The following FUT8 variants were observed in gnomAD, a reference collection of about 807,000 sequenced individuals.
The protein encoded by FUT8 is alpha-(1,6)-fucosyltransferase.
In FUT8, 29 loss-of-function variants were observed where a neutral mutation model predicts 71.3. The ratio of observed to expected loss-of-function variants is 0.41; its 90% CI spans 0.30 to 0.55. FUT8 has a LOEUF of 0.55. Ranked by LOEUF, FUT8 falls within the 20% of genes least tolerant of loss-of-function variation. The pLI, the probability that FUT8 is intolerant of heterozygous loss-of-function variation, is 0.34. For missense variants in FUT8, 544 were observed against 702.1 expected (o/e 0.77, Z 2.55); for synonymous variants, 254 against 239.3 (o/e 1.06, Z -0.57).
chr14:65,604,172 C>T (rs1888449777), intron 3 of FUT8, among the ~76,000 whole-genome samples: 1 of 151,834 alleles, frequency 6.6e-6, no homozygotes, highest in South Asian at 2.1e-4. Context: ...AATAACTCCA[C>T]TGACAGCACT....
At chr14:65,542,028 C>G (rs1884705365) in intron 2 of FUT8, among the ~76,000 whole-genome samples, 1 of 152,248 alleles carries the variant, frequency 6.6e-6, no homozygotes, top group East Asian at 1.9e-4. Context: ...TTCAGCGTAC[C>G]TTAATTTTCT....
rs1246872932 is a variant in FUT8, at chr14:65,574,631, A to G, written c.203+12865A>G. ...ATAATATATTTTTAATTAAACATGA[A>G]AAGCTTTAAATGGTGCTTCTTGTCT... On this transcript the variant is annotated intron_variant, in intron 3 of 10. Transcript: ENST00000673929. The surrounding 1 kb of genome is among the most constrained non-coding windows in gnomAD (Gnocchi z 5.2). Among the ~76,000 whole-genome samples the G allele has an allele frequency of 6.6e-6, 1 of 152,208 alleles. No individual in the cohort carries two copies. Among genetic ancestry groups the G allele is most frequent in the Non-Finnish European group, 1.5e-5 (1 of 68,040 alleles).
At position 65,742,444 on chromosome 14, in the gene FUT8, G is replaced by T; in HGVS notation, c.*34G>T. On this transcript the variant is annotated 3_prime_UTR_variant, in exon 11 of 11. Transcript: ENST00000673929. ...TGGAAGAGATAAACGACCAAACTCA[G>T]TTCGACCAAACTCAGTTCAAACCAT... is the stretch of plus-strand genomic sequence containing the variant. 6.3e-7 allele frequency: 1 copy of T among 1,580,638 alleles called. No homozygotes were observed. The highest frequency in any genetic ancestry group is 1.8e-5 in the Admixed American group (1 of 56,828).
At chr14:65,416,544 G>A (rs1478904528) in intron 1 of FUT8, among the ~76,000 whole-genome samples, 2 of 152,032 alleles carry the variant, frequency 1.3e-5, no homozygotes, top group Non-Finnish European at 2.9e-5. Flanking sequence ...CAGTAGTGTA[G>A]CATCCTCTTA....
At chr14:65,511,375 A>T (rs923537062) in intron 2 of FUT8, among the ~76,000 whole-genome samples, 2 of 152,194 alleles carry the variant, frequency 1.3e-5, no homozygotes, top group African/African-American at 4.8e-5. Flanking sequence ...AAAGAAAAGA[A>T]TGTATATTCT....
rs77725303 is a variant in FUT8 at position 65,689,980 on chromosome 14, C to G, written c.835+20500C>G. ...CCTGTGTTATCCTCTAGAAGTGTTA[C>G]AGTTTTGCATTTTACATTTAGGTCT... On this transcript the variant is annotated intron_variant, in intron 7 of 10. Coordinates refer to ENST00000673929, the MANE Select transcript of FUT8 (RefSeq NM_001371533.1). Among the ~76,000 whole-genome samples, 843 of 152,282 alleles carry G rather than the reference C, an allele frequency of 5.5e-3. 4 individuals carry two copies. The highest frequency in any genetic ancestry group is 0.016 in the African/African-American group (650 of 41,564).
intron 7 of FUT8, among the ~76,000 whole-genome samples, chr14:65,670,049 A>C (rs554684773): frequency 2.0e-5 from 3 of 152,300 alleles, no homozygotes; most frequent in Non-Finnish European, 4.4e-5. Flanking sequence ...TGTTTATGTG[A>C]TTTTAATTGT....
chr14:65,380,394 C>G, the FUT8 span, among the ~76,000 whole-genome samples: 1 of 152,122 alleles, frequency 6.6e-6, no homozygotes, highest in Admixed American at 6.5e-5. Flanking sequence ...GGTGGGGACA[C>G]AGCCAAACTG....
the FUT8 span, among the ~76,000 whole-genome samples, chr14:65,403,738 A>ATTT: frequency 6.4e-4 from 91 of 143,210 alleles, no homozygotes; most frequent in South Asian, 7.6e-3. Flanking sequence ...ATAGTGGTTA[A>ATTT]TTTTTTTTTT....
At chr14:65,587,927 A>G (rs1887480845) in intron 3 of FUT8, among the ~76,000 whole-genome samples, 1 of 152,188 alleles carries the variant, frequency 6.6e-6, no homozygotes, top group Non-Finnish European at 1.5e-5. Flanking sequence ...AGCCCACTGA[A>G]TCTGATATAA....
At chr14:65,401,462 C>A in the FUT8 span, among the ~76,000 whole-genome samples, 2 of 152,120 alleles carry the variant, frequency 1.3e-5, no homozygotes, top group Non-Finnish European at 2.9e-5. Context: ...AAGAGATATG[C>A]GGGCCTAACA....
Position 65,586,183 on chromosome 14 carries a change from G to C in FUT8, c.203+24417G>C, listed in dbSNP as rs7161123. Among the ~76,000 whole-genome samples, 69 of 152,118 alleles carry C rather than the reference G, an allele frequency of 4.5e-4. No individual in the cohort carries two copies. In the South Asian group the frequency reaches 0.014, roughly 32 times the overall value. ...ATTGCTTGACATATCTAGGTTAAAT[G>C]ATAAAACCGATATTTCTCCAGGTAT... is the stretch of plus-strand genomic sequence containing the variant. On this transcript the variant is annotated intron_variant, in intron 3 of 10. Transcript: ENST00000673929.
At chr14:65,511,627 C>T (rs372344408) in intron 2 of FUT8, among the ~76,000 whole-genome samples, 1 of 152,044 alleles carries the variant, frequency 6.6e-6, no homozygotes, top group African/African-American at 2.4e-5. Context: ...CTGAACTGAC[C>T]TCTTTATTAT....
chr14:65,410,504 T>C (rs996491502), upstream of FUT8: 1 of 152,068 alleles, frequency 6.6e-6, no homozygotes, highest in Non-Finnish European at 1.5e-5. Flanking sequence ...CAAAGTTATT[T>C]GTTATTTTAA....
At chr14:65,678,442 G>A (rs1023840865) in intron 7 of FUT8, among the ~76,000 whole-genome samples, 1 of 152,176 alleles carries the variant, frequency 6.6e-6, no homozygotes, top group Non-Finnish European at 1.5e-5. Context: ...GTTTCTCTTA[G>A]TTTCTGGGAC....
At chr14:65,466,930 T>C (rs199873633) in intron 2 of FUT8, among the ~76,000 whole-genome samples, 1 of 152,216 alleles carries the variant, frequency 6.6e-6, no homozygotes, top group African/African-American at 2.4e-5. Context: ...ACATTACTTT[T>C]ATTTGTTTTA....
At chr14:65,477,790 G>T (rs916184002) in intron 2 of FUT8, among the ~76,000 whole-genome samples, 1 of 151,856 alleles carries the variant, frequency 6.6e-6, no homozygotes, top group African/African-American at 2.4e-5. Flanking sequence ...GTCTCATTTG[G>T]TGTCAAGTCA....
Position 65,721,946 on chromosome 14 carries a change from TCCG to T in FUT8, c.1010_1012del (p.Arg337del). On this transcript the variant is annotated inframe_deletion, in exon 8 of 11. Coordinates refer to ENST00000673929, the MANE Select transcript of FUT8 (RefSeq NM_001371533.1). ...GTGTCTCAGTTTGTCAAATACTTGA[TCCG>T]CCCACAGCCTTGGCTAGAAAAAGAA... is the stretch of plus-strand genomic sequence containing the variant. The T allele has an allele frequency of 6.2e-7, 1 of 1,614,196 alleles. No individual in the cohort carries two copies. Among genetic ancestry groups the T allele is most frequent in the Non-Finnish European group, 8.5e-7 (1 of 1,180,044 alleles).
intron 6 of FUT8, among the ~76,000 whole-genome samples, chr14:65,657,116 G>A (rs531381450): frequency 3.9e-5 from 6 of 152,206 alleles, no homozygotes; most frequent in African/African-American, 7.2e-5. Flanking sequence ...AGTAATACCC[G>A]ATAAGCACAG....
Sources: gnomAD v4.1 joint callset for allele counts (sites outside exome capture counted in the v4.1 genomes callset) on GRCh38, gnomAD v4.1.1 for gene constraint, Gnocchi (gnomAD v3.1) non-coding constraint, MANE v1.5 for transcripts, NCBI Gene and HGNC (gene_info 2026-07-23, HGNC 2026-07-21) for gene names.